Variants in SLC24A2 observed in about 807,000 individuals in gnomAD.
The protein encoded by SLC24A2 is sodium/potassium/calcium exchanger 2.
A neutral mutation model predicts 62.0 loss-of-function variants in SLC24A2; 36 were observed. The observed-to-expected ratio is 0.58, with a 90% CI of 0.44 to 0.77. The LOEUF (loss-of-function observed/expected upper bound fraction) is 0.77, where lower values mean the gene tolerates loss of function less well. Ranked by LOEUF, SLC24A2 falls within the 30% of genes least tolerant of loss-of-function variation. The probability of loss-of-function intolerance (pLI) is 0.00; values close to 1 mark genes in which losing one functional copy is unlikely to be tolerated. For missense variants in SLC24A2, 846 were observed against 817.9 expected (o/e 1.03, Z -0.42); for synonymous variants, 358 against 294.0 (o/e 1.22, Z -2.23).
At chr9:19,704,486 A>T (rs1296140400) in intron 2 of SLC24A2, among the ~76,000 whole-genome samples, 1 of 152,192 alleles carries the variant, frequency 6.6e-6, no homozygotes, top group Non-Finnish European at 1.5e-5. Context: ...AAATTATTTA[A>T]ATTTTTTTCC....
At chr9:19,609,787 G>A (rs1395896721) in intron 4 of SLC24A2, among the ~76,000 whole-genome samples, 1 of 152,122 alleles carries the variant, frequency 6.6e-6, no homozygotes, top group Non-Finnish European at 1.5e-5. Context: ...GGTGGGTGTG[G>A]GGTGAGTGGT....
At chr9:19,558,057 C>T (rs1835186303) in intron 7 of SLC24A2, among the ~76,000 whole-genome samples, 1 of 152,146 alleles carries the variant, frequency 6.6e-6, no homozygotes, top group South Asian at 2.1e-4. Flanking sequence ...CCTGCCTTGG[C>T]CTCCCAAAGT....
At chr9:19,634,330 C>T (rs947818184) in intron 2 of SLC24A2, among the ~76,000 whole-genome samples, 1 of 141,614 alleles carries the variant, frequency 7.1e-6, no homozygotes, top group Admixed American at 7.6e-5. Context: ...CTCTTGTTGC[C>T]CAGGCTGGAG....
chr9:20,193,661 A>C, the SLC24A2 span, among the ~76,000 whole-genome samples: 1 of 152,112 alleles, frequency 6.6e-6, no homozygotes, highest in Non-Finnish European at 1.5e-5. Context: ...AAAGATGATA[A>C]ATATTTAGGA....
At chr9:19,875,232 T>A in the SLC24A2 span, among the ~76,000 whole-genome samples, 4 of 152,324 alleles carry the variant, frequency 2.6e-5, no homozygotes, top group Non-Finnish European at 5.9e-5. Flanking sequence ...TTCAATCAAC[T>A]CTTTCAAGAC....
the SLC24A2 span, among the ~76,000 whole-genome samples, chr9:20,187,382 T>A: frequency 6.6e-6 from 1 of 152,174 alleles, no homozygotes; most frequent in Non-Finnish European, 1.5e-5. Context: ...CTGCCTTTAT[T>A]TTCTCCTTTT....
In SLC24A2 at chr9:19,558,998, T is replaced by C. The variant is rs968363607; in HGVS notation, c.1348-8730A>G. 9.2e-5 allele frequency among the ~76,000 whole-genome samples: 14 copies of C among 152,340 alleles called. No individual in the cohort carries two copies. In the South Asian group the frequency reaches 1.7e-3, roughly 18 times the overall value. ...ACCCACTTTTCATATGGTTTTCTAC[T>C]AAATAGGAAGTCAAGCCCAAGGCTG... is the stretch of plus-strand genomic sequence containing the variant. On this transcript the variant is annotated intron_variant, in intron 7 of 10. Transcript: ENST00000341998.
At chr9:19,686,856 A>G (rs578108755) in intron 2 of SLC24A2, among the ~76,000 whole-genome samples, 9 of 152,266 alleles carry the variant, frequency 5.9e-5, no homozygotes, top group Admixed American at 1.3e-4. Context: ...AACACTATTC[A>G]CAACAGCAAA....
chr9:19,601,548 G>A (rs1003088390), intron 4 of SLC24A2, among the ~76,000 whole-genome samples: 3 of 152,124 alleles, frequency 2.0e-5, no homozygotes, highest in East Asian at 3.9e-4. Context: ...GAGAGACCAC[G>A]AACCCACCGG....
Position 19,576,921 on chromosome 9 carries a change from C to A in SLC24A2, c.1228+3G>T. ...TATGGGGTGGATGTTTCCCTGCACTCACCCACGTGGTTGGCAGCCCCATTC... is the reference window on the plus strand; with the variant it reads ...TATGGGGTGGATGTTTCCCTGCACTAACCCACGTGGTTGGCAGCCCCATTC... On this transcript the variant is annotated splice_donor_region_variant and intron_variant, in intron 6 of 10. Transcript: ENST00000341998. 6.2e-7 allele frequency: 1 copy of A among 1,608,956 alleles called. No individual in the cohort carries two copies. Among genetic ancestry groups the A allele is most frequent in the East Asian group, 2.2e-5 (1 of 44,836 alleles).
the SLC24A2 span, among the ~76,000 whole-genome samples, chr9:20,138,394 TC>T: frequency 6.6e-6 from 1 of 152,166 alleles, no homozygotes; most frequent in East Asian, 1.9e-4. Context: ...TCCCAGGAGG[TC>T]CTGGAGCTTA....
the SLC24A2 span, among the ~76,000 whole-genome samples, chr9:20,171,656 C>A: frequency 1.3e-5 from 2 of 152,118 alleles, no homozygotes; most frequent in East Asian, 1.9e-4. Flanking sequence ...CCTTATCCAA[C>A]AGGAAAATAT....
At chr9:19,589,219 T>C (rs1324200232) in intron 5 of SLC24A2, among the ~76,000 whole-genome samples, 2 of 152,210 alleles carry the variant, frequency 1.3e-5, no homozygotes, top group Non-Finnish European at 2.9e-5. Context: ...AATGAAAATA[T>C]CCTAAATGTT....
chr9:19,830,405 T>C, the SLC24A2 span, among the ~76,000 whole-genome samples: 1 of 152,214 alleles, frequency 6.6e-6, no homozygotes, highest in Non-Finnish European at 1.5e-5. Flanking sequence ...TGCATTAATT[T>C]GTTAGATTCT....
chr9:19,876,883 G>A, the SLC24A2 span, among the ~76,000 whole-genome samples: 1 of 152,024 alleles, frequency 6.6e-6, no homozygotes, highest in Non-Finnish European at 1.5e-5. Flanking sequence ...AGTTCAAGCT[G>A]CTATTTTAAA....
intron 2 of SLC24A2, among the ~76,000 whole-genome samples, chr9:19,637,024 G>T (rs754054691): frequency 5.9e-5 from 9 of 152,032 alleles, no homozygotes; most frequent in Middle Eastern, 3.2e-3. Flanking sequence ...GCATCCAAAG[G>T]GTATGTATCT....
At chr9:19,903,835 T>C in the SLC24A2 span, among the ~76,000 whole-genome samples, 1 of 152,222 alleles carries the variant, frequency 6.6e-6, no homozygotes, top group Non-Finnish European at 1.5e-5. Flanking sequence ...CTTCACTCTA[T>C]GCTCCTATGC....
chr9:19,994,820 T>C, the SLC24A2 span, among the ~76,000 whole-genome samples: 1 of 152,214 alleles, frequency 6.6e-6, no homozygotes, highest in Admixed American at 6.5e-5. Context: ...GCTTATGCTA[T>C]TGAAGCCTTT....
rs185083440 is a variant in SLC24A2 at position 19,548,149 on chromosome 9, G to A, written c.1479+1988C>T. On this transcript the variant is annotated intron_variant, in intron 8 of 10. Coordinates refer to ENST00000341998, the MANE Select transcript of SLC24A2 (RefSeq NM_020344.4). ...TAGGCTGCATTATTTAAGGGCCAAG[G>A]TAATGGGATGGGGTTTTTCTTCTGT... is the stretch of plus-strand genomic sequence containing the variant. Among the ~76,000 whole-genome samples, 84 of 151,728 alleles carry A rather than the reference G, an allele frequency of 5.5e-4. 1 individual carries two copies. Among genetic ancestry groups the A allele is most frequent in the African/African-American group, 1.5e-3 (60 of 41,008 alleles).
Sources: gnomAD v4.1 joint callset for allele counts (sites outside exome capture counted in the v4.1 genomes callset) on GRCh38, gnomAD v4.1.1 for gene constraint, MANE v1.5 for transcripts, NCBI Gene and HGNC (gene_info 2026-07-23, HGNC 2026-07-21) for gene names.